The following STRN variants were observed in gnomAD, a reference collection of about 807,000 sequenced individuals.
The protein encoded by STRN is protein phosphatase 2 regulatory subunit B'''alpha.
A neutral mutation model predicts 96.3 loss-of-function variants in STRN; 53 were observed. The observed-to-expected ratio is 0.55, with a 90% CI of 0.44 to 0.69. The LOEUF is 0.69. STRN is among the 30% of genes least tolerant of loss of function. STRN has a pLI of 0.00. For missense variants in STRN, 987 were observed against 963.9 expected, an observed-to-expected ratio of 1.02 and a Z score of -0.32; for synonymous variants, 428 against 355.9, an observed-to-expected ratio of 1.20 and a Z score of -2.28.
chr2:36,954,724 C>T (rs1664842724), intron 1 of STRN, among the ~76,000 whole-genome samples: 1 of 151,436 alleles, frequency 6.6e-6, no homozygotes, highest in Non-Finnish European at 1.5e-5. Flanking sequence ...GCAACCTCTG[C>T]CTCCTGGGTT....
chr2:36,917,918 T>A (rs1462345880), intron 2 of STRN, among the ~76,000 whole-genome samples: 1 of 152,202 alleles, frequency 6.6e-6, no homozygotes, highest in Admixed American at 6.5e-5. Flanking sequence ...ATACATTTTT[T>A]AAAAGATACA....
chr2:36,925,624 A>G (rs1180613017), intron 1 of STRN, among the ~76,000 whole-genome samples: 2 of 152,054 alleles, frequency 1.3e-5, no homozygotes, highest in Non-Finnish European at 2.9e-5. Flanking sequence ...TAAAAATACA[A>G]AAATTAGCTG....
At chr2:36,956,574 T>C (rs751320517) in intron 1 of STRN, among the ~76,000 whole-genome samples, 1 of 152,170 alleles carries the variant, frequency 6.6e-6, no homozygotes, top group Non-Finnish European at 1.5e-5. Context: ...ATAGCTGACA[T>C]CAAGGAGATA....
intron 1 of STRN, among the ~76,000 whole-genome samples, chr2:36,965,091 A>G (rs1027990321): frequency 1.3e-5 from 2 of 151,654 alleles, no homozygotes; most frequent in Non-Finnish European, 2.9e-5. Flanking sequence ...ACATGATTCT[A>G]TTTAACAGAT....
At chr2:36,870,754 T>C (rs1232884164) in intron 10 of STRN, among the ~76,000 whole-genome samples, 1 of 152,170 alleles carries the variant, frequency 6.6e-6, no homozygotes, top group Non-Finnish European at 1.5e-5. Flanking sequence ...TACAGTATAT[T>C]CCTTCTACTT....
chr2:36,913,759 A>G (rs898435909), intron 3 of STRN, among the ~76,000 whole-genome samples: 3 of 152,232 alleles, frequency 2.0e-5, no homozygotes, highest in Non-Finnish European at 2.9e-5. Context: ...GGTACTAACT[A>G]TTACATACTG....
intron 14 of STRN, among the ~76,000 whole-genome samples, chr2:36,856,866 C>T (rs996299151): frequency 2.6e-5 from 4 of 152,050 alleles, no homozygotes; most frequent in African/African-American, 9.7e-5. Flanking sequence ...AAAAATAGGT[C>T]CCACCCCCTT....
At chr2:36,946,808 G>A (rs1670997139) in intron 1 of STRN, among the ~76,000 whole-genome samples, 1 of 151,864 alleles carries the variant, frequency 6.6e-6, no homozygotes, top group Non-Finnish European at 1.5e-5. Flanking sequence ...AACTAAAACT[G>A]TTTCTTTTTT....
At chr2:36,894,171 A>G in intron 6 of STRN, 138 bp from the exon 7 acceptor site, 3 of 969,590 alleles carry the variant, frequency 3.1e-6, no homozygotes, top group Non-Finnish European at 4.3e-6. Flanking sequence ...TGAAAATCAC[A>G]TAGTTTTAAA....
At chr2:36,907,237 A>G (rs985046913) in intron 3 of STRN, among the ~76,000 whole-genome samples, 13 of 152,078 alleles carry the variant, frequency 8.5e-5, no homozygotes, top group Non-Finnish European at 1.6e-4. Flanking sequence ...GGAAAAATTT[A>G]TTTGGTGACA....
rs1024177950 is a variant in STRN at position 36,841,741 on chromosome 2, A to G, written c.*7715T>C. The G allele has an allele frequency of 6.6e-6, 1 of 152,200 alleles. No individual in the cohort carries two copies. The highest frequency in any genetic ancestry group is 2.4e-5 in the African/African-American group (1 of 41,442). The allele number at this position is 152,200 out of a possible 1,614,324, so 9.4% of individuals were successfully genotyped here. ...TTACAGCTTCCTAAAATATAATGAA[A>G]ACTATTTCCTCTGACACTTTGCCAT... On this transcript the variant is annotated 3_prime_UTR_variant, in exon 18 of 18. Transcript: ENST00000263918.
chr2:36,956,780 T>C (rs1336188409), intron 1 of STRN, among the ~76,000 whole-genome samples: 1 of 152,230 alleles, frequency 6.6e-6, no homozygotes, highest in African/African-American at 2.4e-5. Context: ...GGCACATCTC[T>C]TGATAAAGAA....
At chr2:36,953,841 A>C (rs1289677090) in intron 1 of STRN, among the ~76,000 whole-genome samples, 2 of 152,208 alleles carry the variant, frequency 1.3e-5, no homozygotes, top group Non-Finnish European at 2.9e-5. Flanking sequence ...GCCTAAAAAT[A>C]GACTAATAAT....
At chr2:36,876,385 T>A (rs1481541338) in intron 10 of STRN, among the ~76,000 whole-genome samples, 1 of 151,796 alleles carries the variant, frequency 6.6e-6, no homozygotes, top group East Asian at 1.9e-4. Context: ...AAGAAAAAAA[T>A]GGACCAGGAT....
intron 9 of STRN, among the ~76,000 whole-genome samples, chr2:36,880,506 C>G (rs1179485880): frequency 6.6e-6 from 1 of 152,134 alleles, no homozygotes; most frequent in African/African-American, 2.4e-5. Flanking sequence ...AAATCCTCAT[C>G]AGAACAAAAT....
intron 7 of STRN, among the ~76,000 whole-genome samples, chr2:36,889,220 T>G (rs1402545505): frequency 1.3e-5 from 2 of 152,198 alleles, no homozygotes; most frequent in Non-Finnish European, 2.9e-5. Flanking sequence ...TAAACCAAAG[T>G]GAATCATAAT....
intron 3 of STRN, among the ~76,000 whole-genome samples, chr2:36,911,708 C>T (rs1167843497): frequency 6.6e-6 from 1 of 152,128 alleles, no homozygotes; most frequent in African/African-American, 2.4e-5. Flanking sequence ...TAGTTCATGG[C>T]TTATCACTTC....
intron 15 of STRN, 63 bp downstream of exon 15, chr2:36,855,146 CTAG>C (rs1320789734): frequency 9.2e-6 from 14 of 1,527,204 alleles, no homozygotes; most frequent in Non-Finnish European, 1.3e-5. Flanking sequence ...ACAGCTGACT[CTAG>C]TAGTCGTAAT....
rs1668149531 is a variant in STRN at position 36,848,975 on chromosome 2, A to T, written c.*481T>A. 6.4e-6 allele frequency: 1 copy of T among 155,726 alleles called. No individual in the cohort carries two copies. The highest frequency in any genetic ancestry group is 1.4e-5 in the Non-Finnish European group (1 of 69,886). 9.6% of individuals were successfully genotyped at this position (155,726 alleles called of 1,614,324 possible). A position where few individuals can be genotyped will look rare whatever the true frequency, so the allele number is the denominator to read the frequency against. ...AACACTGCCTGGTCATTATACACAA[A>T]GGGGTTAATATGGCAGATATGATAA... On this transcript the variant is annotated 3_prime_UTR_variant, in exon 18 of 18. Transcript: ENST00000263918.
Sources: allele counts gnomAD v4.1 joint callset (sites outside exome capture counted in the v4.1 genomes callset), GRCh38; gene constraint gnomAD v4.1.1; transcripts MANE v1.5; gene names NCBI Gene and HGNC (gene_info 2026-07-23, HGNC 2026-07-21).